EPHB2: variants seen among roughly 807,000 people sequenced by gnomAD.
EPHB2 encodes ephrin type-B receptor 2.
EPHB2 carries 18 observed loss-of-function variants against 96.4 expected under a neutral mutation model. That is an observed-to-expected ratio of 0.19 (90% confidence interval 0.13 to 0.28). EPHB2 has a LOEUF of 0.28. Among genes scored for constraint, EPHB2 ranks in the 10% least tolerant of loss-of-function variants. EPHB2 has a pLI of 1.00. For synonymous variants in EPHB2, 506 were observed against 534.1 expected (o/e 0.95, Z 0.72); for missense variants, 989 against 1,355.4 (o/e 0.73, Z 4.25).
chr1:22,741,807 G>A (rs1643908341), intron 1 of EPHB2, among the ~76,000 whole-genome samples: 1 of 151,912 alleles, frequency 6.6e-6, no homozygotes, highest in Non-Finnish European at 1.5e-5. Context: ...TGGGCCTGTT[G>A]TCTTACATGC....
intron 3 of EPHB2, among the ~76,000 whole-genome samples, chr1:22,826,620 C>G (rs550214412): frequency 1.3e-5 from 2 of 152,360 alleles, no homozygotes; most frequent in African/African-American, 4.8e-5. Context: ...CTGTTCTTGT[C>G]CAGCCCTGAG....
At chr1:22,868,142 G>A (rs1638541606) in intron 5 of EPHB2, among the ~76,000 whole-genome samples, 1 of 152,184 alleles carries the variant, frequency 6.6e-6, no homozygotes. Flanking sequence ...CTTATTTGTA[G>A]CTAGGAGTGG....
In EPHB2 at chr1:22,908,183, G is replaced by A; in HGVS notation, c.2352+15G>A. On this transcript the variant is annotated intron_variant, in intron 12 of 15. Coordinates refer to ENST00000374630, the MANE Select transcript of EPHB2 (RefSeq NM_017449.5). ...CCAGTGCCCTGGTAAGATGGAGGCA[G>A]GGAACACCGGAGTCACAGAGCCAGA... 1 of 1,614,132 alleles carries A rather than the reference G, an allele frequency of 6.2e-7. No individual in the cohort carries two copies. Among genetic ancestry groups the A allele is most frequent in the Non-Finnish European group, 8.5e-7 (1 of 1,179,964 alleles).
intron 1 of EPHB2, among the ~76,000 whole-genome samples, chr1:22,775,935 T>C (rs900318579): frequency 1.3e-5 from 2 of 152,204 alleles, no homozygotes; most frequent in African/African-American, 4.8e-5. Flanking sequence ...GAACCGGACA[T>C]TTCAACAGGG....
At chr1:22,745,435 A>G (rs1643958985) in intron 1 of EPHB2, among the ~76,000 whole-genome samples, 1 of 152,212 alleles carries the variant, frequency 6.6e-6, no homozygotes, top group Non-Finnish European at 1.5e-5. Context: ...GCGATTGCCT[A>G]TGGTGAAGGA....
At chr1:22,746,538 C>A (rs951531941) in intron 1 of EPHB2, among the ~76,000 whole-genome samples, 3 of 152,224 alleles carry the variant, frequency 2.0e-5, no homozygotes, top group Non-Finnish European at 2.9e-5. Context: ...ACACTTGGAG[C>A]AACAGGAAGT....
chr1:22,750,107 G>C (rs1570206402), intron 1 of EPHB2, among the ~76,000 whole-genome samples: 1 of 152,200 alleles, frequency 6.6e-6, no homozygotes, highest in East Asian at 1.9e-4. Context: ...CCAGAGCAGG[G>C]ATGTGACTTG....
chr1:22,822,803 G>A (rs906676308), intron 3 of EPHB2, among the ~76,000 whole-genome samples: 5 of 152,314 alleles, frequency 3.3e-5, no homozygotes, highest in Admixed American at 1.3e-4. Context: ...GTGCCCACAG[G>A]GGTCTCCACT....
Position 22,915,807 on chromosome 1 carries a change from A to G in EPHB2, c.*2237A>G, listed in dbSNP as rs945801040. The G allele has an allele frequency of 6.6e-6, 1 of 152,346 alleles. No individual in the cohort carries two copies. Among genetic ancestry groups the G allele is most frequent in the Non-Finnish European group, 1.5e-5 (1 of 68,136 alleles). The allele number at this position is 152,346 out of a possible 1,614,324, so 9.4% of individuals were successfully genotyped here. ...AGGCAGGGAGATGGATGTGCCATGG[A>G]TATCGGGTCTGGCTGAGGAAGGGGA... On this transcript the variant is annotated 3_prime_UTR_variant, in exon 16 of 16. Coordinates refer to ENST00000374630, the MANE Select transcript of EPHB2 (RefSeq NM_017449.5).
intron 6 of EPHB2, among the ~76,000 whole-genome samples, chr1:22,883,024 GC>G (rs1639101947): frequency 6.6e-6 from 1 of 152,200 alleles, no homozygotes; most frequent in African/African-American, 2.4e-5. Flanking sequence ...TTGGGTGGAA[GC>G]CCCTGGGATG....
intron 3 of EPHB2, among the ~76,000 whole-genome samples, chr1:22,835,031 A>G (rs965945526): frequency 2.0e-5 from 3 of 152,226 alleles, no homozygotes; most frequent in African/African-American, 7.2e-5. Context: ...TGGCGATGAC[A>G]TAGAGAATGA....
chr1:22,824,892 A>AG (rs1469475289), intron 3 of EPHB2, among the ~76,000 whole-genome samples: 1 of 152,262 alleles, frequency 6.6e-6, no homozygotes, highest in Non-Finnish European at 1.5e-5. Context: ...CCAGGTTCCC[A>AG]GGGGCATTGC....
At chr1:22,898,165 A>C (rs1639630491) in intron 9 of EPHB2, among the ~76,000 whole-genome samples, 1 of 152,076 alleles carries the variant, frequency 6.6e-6, no homozygotes, top group African/African-American at 2.4e-5. Context: ...GAAAGAAAGA[A>C]AAGAGAAATA....
At position 22,868,602 on chromosome 1, in the gene EPHB2, G is replaced by A. The variant is rs141506045; in HGVS notation, c.1303+3390G>A. Among the ~76,000 whole-genome samples, 214 of 152,246 alleles carry A rather than the reference G, an allele frequency of 1.4e-3. 1 individual carries two copies. Among genetic ancestry groups the A allele is most frequent in the Non-Finnish European group, 2.5e-3 (173 of 68,022 alleles). On this transcript the variant is annotated intron_variant, in intron 5 of 15. Transcript: ENST00000374630. Reference sequence around the variant, plus strand: ...GTGTCTCCTCATTCTCCTTGGACTGGCAGCCACCCCAGGCTTGTTTCTCTC... The same window carrying A: ...GTGTCTCCTCATTCTCCTTGGACTGACAGCCACCCCAGGCTTGTTTCTCTC...
chr1:22,862,309 C>T lies in EPHB2; in HGVS notation c.812-728C>T, dbSNP rs140172166. ...TTAGGCTGGCCCTGGTACTGCAGGC[C>T]CGCCTTTTATTAATATTTTAATAAA... is the stretch of plus-strand genomic sequence containing the variant. On this transcript the variant is annotated intron_variant, in intron 3 of 15. Transcript: ENST00000374630. 3.3e-5 allele frequency among the ~76,000 whole-genome samples: 5 copies of T among 152,338 alleles called. No individual in the cohort carries two copies. In the East Asian group the frequency reaches 9.6e-4, roughly 29 times the overall value.
intron 1 of EPHB2, among the ~76,000 whole-genome samples, chr1:22,741,199 C>A (rs148526926): frequency 1.3e-5 from 2 of 152,080 alleles, no homozygotes; most frequent in African/African-American, 4.8e-5. Flanking sequence ...CTGATTCTAT[C>A]TAAGTGCCTA....
chr1:22,769,421 G>C (rs1171550360), intron 1 of EPHB2, among the ~76,000 whole-genome samples: 2 of 147,764 alleles, frequency 1.4e-5, no homozygotes, highest in Non-Finnish European at 3.0e-5. Context: ...TTTCTTTTTT[G>C]AGACAGAGTC....
chr1:22,757,919 T>C, intron 1 of EPHB2, among the ~76,000 whole-genome samples: 1 of 136,070 alleles, frequency 7.3e-6, no homozygotes, highest in Non-Finnish European at 1.6e-5. Flanking sequence ...TTTTTTTTTT[T>C]TTTTTTTTTT....
At chr1:22,711,510 G>A (rs1643143748) in intron 1 of EPHB2, among the ~76,000 whole-genome samples, 5 of 151,252 alleles carry the variant, frequency 3.3e-5, no homozygotes, top group Admixed American at 3.3e-4. Flanking sequence ...GGCCGGGGTG[G>A]GGGCTCCCGG....
Sources: gnomAD v4.1 joint callset for allele counts (sites outside exome capture counted in the v4.1 genomes callset) on GRCh38, gnomAD v4.1.1 for gene constraint, MANE v1.5 for transcripts, NCBI Gene and HGNC (gene_info 2026-07-23, HGNC 2026-07-21) for gene names.